Variants in SMURF2 observed in about 807,000 individuals in gnomAD.
The protein encoded by SMURF2 is SMAD specific E3 ubiquitin protein ligase 2.
SMURF2 carries 48 observed loss-of-function variants against 109.6 expected under a neutral mutation model. That is an observed-to-expected ratio of 0.44 (90% CI 0.35 to 0.56). The LOEUF is 0.56. Ranked by LOEUF, SMURF2 falls within the 20% of genes least tolerant of loss-of-function variation. The pLI is 0.01. For synonymous variants in SMURF2, 288 were observed against 317.1 expected, an observed-to-expected ratio of 0.91 and a Z score of 0.97; for missense variants, 575 against 909.0, an observed-to-expected ratio of 0.63 and a Z score of 4.72.
At chr17:64,638,758 G>T (rs114577018) in intron 1 of SMURF2, among the ~76,000 whole-genome samples, 246 of 152,270 alleles carry the variant, frequency 1.6e-3, no homozygotes, top group African/African-American at 5.8e-3. Context: ...CTCTAGCTAT[G>T]CACGTTTATG....
At chr17:64,549,330 T>C (rs1969006596) in intron 16 of SMURF2, among the ~76,000 whole-genome samples, 1 of 148,528 alleles carries the variant, frequency 6.7e-6, no homozygotes, top group South Asian at 2.1e-4. Context: ...ACACCTGTAG[T>C]ACCAGTTACT....
rs59701513 is a variant in SMURF2 at position 64,637,923 on chromosome 17, C to CAAAAAAAAA, written c.52+23897_52+23905dup. Among the ~76,000 whole-genome samples, 90 of 72,550 alleles carry CAAAAAAAAA rather than the reference C, an allele frequency of 1.2e-3. 5 individuals carry two copies. Among genetic ancestry groups the CAAAAAAAAA allele is most frequent in the African/African-American group, 3.5e-3 (86 of 24,314 alleles). 47.6% of individuals were successfully genotyped at this position (72,550 alleles called of 152,430 possible). A position where few individuals can be genotyped will look rare whatever the true frequency, so the allele number is the denominator to read the frequency against. On this transcript the variant is annotated intron_variant, in intron 1 of 18. Coordinates refer to ENST00000262435, the MANE Select transcript of SMURF2 (RefSeq NM_022739.4). ...CATTGAATGGTTTTGGCGCCCTAGTCAAAAAAAAAAAAAAAAAAAATCAAC... is the reference window on the plus strand; with the variant it reads ...CATTGAATGGTTTTGGCGCCCTAGTCAAAAAAAAAAAAAAAAAAAAAAAAAAAAATCAAC...
chr17:64,580,043 C>T (rs985881663), intron 8 of SMURF2, among the ~76,000 whole-genome samples: 10 of 152,166 alleles, frequency 6.6e-5, no homozygotes, highest in Non-Finnish European at 1.5e-4. Flanking sequence ...TGGCAATTCC[C>T]AGTGTTGGTC....
At chr17:64,615,125 T>A (rs7207913) in intron 1 of SMURF2, among the ~76,000 whole-genome samples, 33,604 of 152,098 alleles carry the variant, frequency 0.22, 7,493 homozygotes, top group African/African-American at 0.57. Flanking sequence ...ACTGAGTTGT[T>A]TTCATAATGA....
chr17:64,569,460 C>CA (rs1211109288), intron 10 of SMURF2, among the ~76,000 whole-genome samples: 1 of 151,754 alleles, frequency 6.6e-6, no homozygotes, highest in African/African-American at 2.4e-5. Flanking sequence ...TATAAATTAA[C>CA]AAAAAAAGTT....
Position 64,562,701 on chromosome 17 carries a change from G to C in SMURF2, c.1212+70C>G, listed in dbSNP as rs1029946458. On this transcript the variant is annotated intron_variant, in intron 11 of 18. Coordinates refer to ENST00000262435, the MANE Select transcript of SMURF2 (RefSeq NM_022739.4). ...CCAATTTCTCTCTAATTTAAAATAA[G>C]GTTTGTATTAGCAAGCAATGGGTTT... The C allele has an allele frequency of 3.4e-6, 5 of 1,454,524 alleles. No homozygotes were observed. The Admixed American group carries it at 9.3e-5, about 27-fold the overall frequency. The allele number at this position is 1,454,524 out of a possible 1,614,324, so 90.1% of individuals were successfully genotyped here.
At chr17:64,655,178 G>A (rs1403302221) in intron 1 of SMURF2, among the ~76,000 whole-genome samples, 1 of 149,674 alleles carries the variant, frequency 6.7e-6, no homozygotes, top group Non-Finnish European at 1.5e-5. Flanking sequence ...GTTCCTGGGT[G>A]AGAAAACTAA....
intron 1 of SMURF2, among the ~76,000 whole-genome samples, chr17:64,608,447 T>G (rs1238613454): frequency 6.6e-6 from 1 of 152,150 alleles, no homozygotes; most frequent in African/African-American, 2.4e-5. Context: ...TCATGAAAAC[T>G]AGGGCCATAA....
chr17:64,584,250 G>A (rs537534582), intron 6 of SMURF2, among the ~76,000 whole-genome samples: 5 of 150,044 alleles, frequency 3.3e-5, no homozygotes, highest in African/African-American at 4.9e-5. Flanking sequence ...CCGGGGAGGC[G>A]GAGGTTGCAG....
chr17:64,637,923 C>CAAAAAAAAAAAAAAAAAAAA lies in SMURF2; in HGVS notation c.52+23886_52+23905dup, dbSNP rs59701513. ...CATTGAATGGTTTTGGCGCCCTAGT[C>CAAAAAAAAAAAAAAAAAAAA]AAAAAAAAAAAAAAAAAAAATCAAC... On this transcript the variant is annotated intron_variant, in intron 1 of 18. Transcript: ENST00000262435. Among the ~76,000 whole-genome samples the CAAAAAAAAAAAAAAAAAAAA allele has an allele frequency of 6.1e-4, 44 of 72,556 alleles. 2 individuals carry two copies. The highest frequency in any genetic ancestry group is 2.9e-3 in the South Asian group (6 of 2,062). The allele number at this position is 72,556 out of a possible 152,430, so 47.6% of individuals were successfully genotyped here.
At chr17:64,640,262 C>T (rs1470235314) in intron 1 of SMURF2, among the ~76,000 whole-genome samples, 9 of 152,088 alleles carry the variant, frequency 5.9e-5, no homozygotes, top group African/African-American at 1.9e-4. Context: ...AGAGTAGAGA[C>T]TACTTTAGAC....
intron 12 of SMURF2, 57 bp from the exon 13 acceptor site, chr17:64,557,779 GAT>G (rs1292907099): frequency 1.4e-5 from 13 of 915,738 alleles, no homozygotes; most frequent in East Asian, 1.2e-4. Flanking sequence ...TTTTTATTAA[GAT>G]ATGTCATTAA....
At chr17:64,610,105 C>T (rs61409883) in intron 1 of SMURF2, among the ~76,000 whole-genome samples, 13,266 of 152,098 alleles carry the variant, frequency 0.087, 1,304 homozygotes, top group African/African-American at 0.24. Flanking sequence ...AGTCAGAAAA[C>T]AACAGATGCT....
At position 64,546,978 on chromosome 17, in the gene SMURF2, C is replaced by G. The variant is rs140211783; in HGVS notation, c.2071+622G>C. 2.6e-5 allele frequency among the ~76,000 whole-genome samples: 4 copies of G among 152,340 alleles called. No homozygotes were observed. In the East Asian group the frequency reaches 7.7e-4, roughly 29 times the overall value. ...TCGCTTTGTGTGTCCTTATTCATCA[C>G]CAGCAGCTTTGAAAATGAAGTGCTT... On this transcript the variant is annotated intron_variant, in intron 17 of 18. Coordinates refer to ENST00000262435, the MANE Select transcript of SMURF2 (RefSeq NM_022739.4).
chr17:64,647,168 CTGAA>C (rs1212881057), intron 1 of SMURF2, among the ~76,000 whole-genome samples: 3 of 151,838 alleles, frequency 2.0e-5, no homozygotes, highest in African/African-American at 7.3e-5. Flanking sequence ...CAAATGTTTA[CTGAA>C]TGAATATGTA....
At position 64,587,703 on chromosome 17, in the gene SMURF2, C is replaced by G. The variant is rs549231337; in HGVS notation, c.401-1533G>C. Among the ~76,000 whole-genome samples, 152 of 152,242 alleles carry G rather than the reference C, an allele frequency of 1.0e-3. 2 individuals are homozygous for G. Among genetic ancestry groups the G allele is most frequent in the South Asian group, 5.2e-3 (25 of 4,824 alleles). ...AACACAGAGCTCCTTGATATTAAGT[C>G]CCATTTAGAGGAGAGAACACTATGA... On this transcript the variant is annotated intron_variant, in intron 5 of 18. Coordinates refer to ENST00000262435, the MANE Select transcript of SMURF2 (RefSeq NM_022739.4).
intron 15 of SMURF2, among the ~76,000 whole-genome samples, chr17:64,554,170 C>T (rs1228539046): frequency 6.6e-6 from 1 of 152,182 alleles, no homozygotes; most frequent in Non-Finnish European, 1.5e-5. Context: ...GAATTGCCAC[C>T]TGTGATAGCT....
At chr17:64,573,290 G>C (rs1407348691) in intron 9 of SMURF2, among the ~76,000 whole-genome samples, 1 of 137,510 alleles carries the variant, frequency 7.3e-6, no homozygotes, top group Admixed American at 7.9e-5. Flanking sequence ...GGAGGAGGAG[G>C]AGAAGATAAA....
At chr17:64,618,760 T>C (rs1555690322) in intron 1 of SMURF2, among the ~76,000 whole-genome samples, 1 of 152,238 alleles carries the variant, frequency 6.6e-6, no homozygotes, top group African/African-American at 2.4e-5. Flanking sequence ...CTAAACATTA[T>C]TTTATATGTA....
Sources: gnomAD v4.1 joint callset for allele counts (sites outside exome capture counted in the v4.1 genomes callset) on GRCh38, gnomAD v4.1.1 for gene constraint, MANE v1.5 for transcripts, NCBI Gene and HGNC (gene_info 2026-07-23, HGNC 2026-07-21) for gene names.